USH2A: variants seen among roughly 807,000 people sequenced by gnomAD.
USH2A encodes usherin.
USH2A carries 443 observed loss-of-function variants against 538.9 expected under a neutral mutation model. That is an observed-to-expected ratio of 0.82 (90% confidence interval 0.76 to 0.89). USH2A has a LOEUF of 0.89. Among genes scored for constraint, USH2A ranks in the 40% least tolerant of loss-of-function variants. USH2A has a pLI of 0.00. For missense variants in USH2A, 6,633 were observed against 6,324.8 expected, an observed-to-expected ratio of 1.05 and a Z score of -1.65; for synonymous variants, 2,413 against 2,273.5, an observed-to-expected ratio of 1.06 and a Z score of -1.75.
rs754284490 is a variant in USH2A, at chr1:215,628,938, G to A, written c.15395C>T (p.Thr5132Ile). Residue 5132 changes from threonine to isoleucine, a missense_variant, in exon 71 of 72, where the codon ACC (threonine) becomes ATC (isoleucine). By Grantham distance (89) the Thr-to-Ile change is moderately conservative. Transcript: ENST00000307340. Reference protein sequence around the residue: ...CVLRIPSQNQTSLTYSQGSLH... With the variant: ...CVLRIPSQNQISLTYSQGSLH... Reference sequence around the variant, plus strand: ...AGAACCCTGGGAGTAGGTTAGGCTGGTTTGGTTTTGACTCGGGATGCGCAG... The same window carrying A: ...AGAACCCTGGGAGTAGGTTAGGCTGATTTGGTTTTGACTCGGGATGCGCAG... 6.2e-7 allele frequency: 1 copy of A among 1,614,142 alleles called. No homozygotes were observed. Among genetic ancestry groups the A allele is most frequent in the Admixed American group, 1.7e-5 (1 of 60,008 alleles).
intron 11 of USH2A, among the ~76,000 whole-genome samples, chr1:216,264,000 C>T (rs1377579337): frequency 1.3e-5 from 2 of 152,022 alleles, no homozygotes; most frequent in African/African-American, 4.8e-5. Flanking sequence ...AATGAAATCT[C>T]ACTTACGATA....
chr1:215,958,170 G>A (rs1418485662), intron 37 of USH2A, among the ~76,000 whole-genome samples: 2 of 152,022 alleles, frequency 1.3e-5, no homozygotes, highest in African/African-American at 2.4e-5. Flanking sequence ...ATAAAACACA[G>A]TATATTCTGG....
At chr1:215,705,364 C>G (rs1352161390) in intron 61 of USH2A, among the ~76,000 whole-genome samples, 1 of 151,996 alleles carries the variant, frequency 6.6e-6, no homozygotes, top group Non-Finnish European at 1.5e-5. Flanking sequence ...TTTTTTGAAG[C>G]CATTTTAAGT....
intron 59 of USH2A, among the ~76,000 whole-genome samples, chr1:215,742,298 C>T (rs911987286): frequency 3.9e-5 from 6 of 152,132 alleles, no homozygotes; most frequent in Non-Finnish European, 1.5e-5. Flanking sequence ...GGAGTTTCCA[C>T]TACACATTGA....
chr1:216,230,519 G>A (rs887007343), intron 14 of USH2A, among the ~76,000 whole-genome samples: 9 of 152,072 alleles, frequency 5.9e-5, no homozygotes, highest in African/African-American at 1.9e-4. Context: ...AATTTTAAAT[G>A]ATTTTTGTAG....
intron 37 of USH2A, among the ~76,000 whole-genome samples, chr1:215,941,178 T>C (rs1276666184): frequency 6.6e-6 from 1 of 152,130 alleles, no homozygotes; most frequent in Non-Finnish European, 1.5e-5. Context: ...ACCTTATGCT[T>C]AATATTGCTG....
chr1:215,742,627 A>G (rs1267879945), intron 59 of USH2A, among the ~76,000 whole-genome samples: 1 of 152,102 alleles, frequency 6.6e-6, no homozygotes, highest in African/African-American at 2.4e-5. Flanking sequence ...GATAAAGGAA[A>G]TGGGGGAGGC....
In USH2A at chr1:215,675,042, T is replaced by A. The variant is rs1481528981; in HGVS notation, c.12869A>T (p.Gln4290Leu). 1 of 1,614,066 alleles carries A rather than the reference T, an allele frequency of 6.2e-7. No homozygotes were observed. Among genetic ancestry groups the A allele is most frequent in the African/African-American group, 1.3e-5 (1 of 74,928 alleles). Residue 4290 changes from glutamine to leucine, a missense_variant, in exon 63 of 72, where the codon CAG (glutamine) becomes CTG (leucine). Coordinates refer to ENST00000307340, the MANE Select transcript of USH2A (RefSeq NM_206933.4). ...ATAGGACTGGATAATACCATTAGAC[T>A]GTTCTGGTGGGATCCAGGAAATCAG... The part of the protein sequence containing the change: ...KLLISWIPPE[Q>L]SNGIIQSYRL...
chr1:216,038,490 C>T (rs1046674242), intron 32 of USH2A, among the ~76,000 whole-genome samples: 1 of 78,008 alleles, frequency 1.3e-5, no homozygotes, highest in Non-Finnish European at 2.7e-5. Flanking sequence ...TTTTGAAGAC[C>T]CCCCCTCCAC....
At chr1:216,000,713 T>C in intron 32 of USH2A, 151 bp from the exon 33 acceptor site, 1 of 945,706 alleles carries the variant, frequency 1.1e-6, no homozygotes, top group South Asian at 1.5e-5. Flanking sequence ...CAATAACATA[T>C]AGGATGCTTC....
intron 62 of USH2A, among the ~76,000 whole-genome samples, 186 bp from the exon 63 acceptor site, chr1:215,675,802 A>G (rs1364073361): frequency 6.6e-6 from 1 of 152,152 alleles, no homozygotes; most frequent in Non-Finnish European, 1.5e-5. Flanking sequence ...CAGAGAGACA[A>G]ACAATGTTTT....
At chr1:216,100,757 A>T (rs1404891669) in intron 21 of USH2A, among the ~76,000 whole-genome samples, 1 of 152,202 alleles carries the variant, frequency 6.6e-6, no homozygotes, top group Non-Finnish European at 1.5e-5. Flanking sequence ...TGATGAATGA[A>T]AATAAATCAG....
intron 38 of USH2A, among the ~76,000 whole-genome samples, chr1:215,924,384 T>TAA (rs1330199185): frequency 6.6e-6 from 1 of 152,164 alleles, no homozygotes. Context: ...GGTCTCTAAG[T>TAA]ATCTAAGACA....
At chr1:216,420,781 A>G (rs1262569566) in intron 2 of USH2A, among the ~76,000 whole-genome samples, 1 of 152,132 alleles carries the variant, frequency 6.6e-6, no homozygotes, top group Non-Finnish European at 1.5e-5. Flanking sequence ...TTGAGGAGAG[A>G]TGTAGAAATG....
chr1:215,708,011 A>C (rs1659231368), intron 61 of USH2A, among the ~76,000 whole-genome samples: 1 of 152,220 alleles, frequency 6.6e-6, no homozygotes, highest in South Asian at 2.1e-4. Context: ...AACTCATAGA[A>C]TCTTAGAAGG....
chr1:216,020,437 C>T (rs918233244), intron 32 of USH2A, among the ~76,000 whole-genome samples: 3 of 152,164 alleles, frequency 2.0e-5, no homozygotes, highest in African/African-American at 7.2e-5. Context: ...TGCCTCAAGA[C>T]TGCATGATAA....
intron 70 of USH2A, among the ~76,000 whole-genome samples, chr1:215,629,775 T>TTC (rs1558028931): frequency 7.0e-6 from 1 of 142,716 alleles, no homozygotes; most frequent in African/African-American, 2.6e-5. Flanking sequence ...TTTCTTTTCT[T>TTC]TTTTTTTTTT....
intron 14 of USH2A, among the ~76,000 whole-genome samples, chr1:216,217,819 T>G (rs142250902): frequency 1.5e-3 from 233 of 152,248 alleles, no homozygotes; most frequent in African/African-American, 5.3e-3. Flanking sequence ...TTATATTGCT[T>G]TTTTACATCC....
chr1:216,231,801 C>A, intron 14 of USH2A, 152 bp downstream of exon 14: 2 of 863,090 alleles, frequency 2.3e-6, no homozygotes, highest in South Asian at 1.5e-5. Flanking sequence ...GATCCGCCTG[C>A]CTTGGTCTCT....
Sources: allele counts gnomAD v4.1 joint callset (sites outside exome capture counted in the v4.1 genomes callset), GRCh38; gene constraint gnomAD v4.1.1; transcripts MANE v1.5; gene names NCBI Gene and HGNC (gene_info 2026-07-23, HGNC 2026-07-21).